COL4A4: variants seen among roughly 807,000 people sequenced by gnomAD.
COL4A4 encodes the protein collagen type IV alpha 4 chain.
Under a neutral mutation model 192.9 loss-of-function variants are expected in COL4A4, and 105 were observed. The observed-to-expected ratio is 0.54, with a 90% CI of 0.46 to 0.64. COL4A4 has a LOEUF of 0.64. COL4A4 is among the 30% of genes least tolerant of loss of function. COL4A4 has a pLI of 0.00. For missense variants in COL4A4, 1,967 were observed against 2,169.3 expected (o/e 0.91, Z 1.85); for synonymous variants, 762 against 769.9 (o/e 0.99, Z 0.17).
chr2:227,049,696 A>G (rs1260800882), intron 34 of COL4A4, among the ~76,000 whole-genome samples: 2 of 152,242 alleles, frequency 1.3e-5, no homozygotes, highest in Admixed American at 6.5e-5. Context: ...CTTAGAAAAG[A>G]TACTGGCTCC....
chr2:227,122,039 T>C (rs78100139), intron 4 of COL4A4, among the ~76,000 whole-genome samples: 1,700 of 152,364 alleles, frequency 0.011, 25 homozygotes, highest in African/African-American at 0.038. Flanking sequence ...ATTTTGGAAT[T>C]AGTCTCCATG....
intron 10 of COL4A4, 66 bp downstream of exon 10, chr2:227,109,158 G>T: frequency 6.8e-7 from 1 of 1,476,778 alleles, no homozygotes; most frequent in Non-Finnish European, 9.5e-7. Context: ...AAATGGCAAT[G>T]TTGCTTCTTT....
At chr2:227,092,458 T>C (rs1288228733) in intron 20 of COL4A4, among the ~76,000 whole-genome samples, 1 of 152,180 alleles carries the variant, frequency 6.6e-6, no homozygotes, top group East Asian at 1.9e-4. Context: ...GACAGTATTC[T>C]GGCAACAAAT....
chr2:227,010,340 G>C lies in COL4A4; in HGVS notation c.4495C>G (p.Gln1499Glu), dbSNP rs778637720. The C allele has an allele frequency of 1.9e-6, 3 of 1,614,212 alleles. No homozygotes were observed. The highest frequency in any genetic ancestry group is 2.2e-5 in the South Asian group (2 of 91,090). ...TGYSLLYLEG[Q>E]EKAHNQDLGL... Reference sequence around the variant, plus strand: ...AGGTCTTGATTGTGAGCTTTCTCTTGCCCTTCCAGGTATAACAGACTATAC... The same window carrying C: ...AGGTCTTGATTGTGAGCTTTCTCTTCCCCTTCCAGGTATAACAGACTATAC... The change falls in exon 46 of 48, where the codon CAA becomes GAA. Residue 1499 changes from glutamine (Q) to glutamate (E), a missense_variant. By Grantham distance (29) the Gln-to-Glu change is conservative (BLOSUM62 2). Coordinates refer to ENST00000396625, the MANE Select transcript of COL4A4 (RefSeq NM_000092.5).
chr2:227,035,605 G>A (rs1426246710), intron 37 of COL4A4, among the ~76,000 whole-genome samples: 1 of 151,330 alleles, frequency 6.6e-6, no homozygotes, highest in Non-Finnish European at 1.5e-5. Context: ...TACAGTTCTG[G>A]CTTAGTTTAT....
chr2:227,130,642 G>T (rs966187605), intron 4 of COL4A4, among the ~76,000 whole-genome samples: 3 of 140,042 alleles, frequency 2.1e-5, no homozygotes, highest in Non-Finnish European at 4.9e-5. Flanking sequence ...TTTCCAAGTG[G>T]TCAATTTCAC....
chr2:226,977,243 C>G, the COL4A4 span, among the ~76,000 whole-genome samples: 1 of 152,174 alleles, frequency 6.6e-6, no homozygotes, highest in South Asian at 2.1e-4. Context: ...CAAGCTCCCC[C>G]TCCCTTTAGT....
intron 4 of COL4A4, among the ~76,000 whole-genome samples, chr2:227,133,686 G>A (rs2062626608): frequency 6.6e-6 from 1 of 152,058 alleles, no homozygotes; most frequent in Non-Finnish European, 1.5e-5. Context: ...GAGGTCAGGA[G>A]TTTGAGACCA....
intron 3 of COL4A4, among the ~76,000 whole-genome samples, chr2:227,143,401 TA>T (rs2063348174): frequency 6.6e-6 from 1 of 152,218 alleles, no homozygotes; most frequent in Non-Finnish European, 1.5e-5. Context: ...TCCGGATGGG[TA>T]ATACCAAATC....
chr2:227,133,408 G>A (rs72971822), intron 4 of COL4A4, among the ~76,000 whole-genome samples: 2,363 of 152,270 alleles, frequency 0.016, 34 homozygotes, highest in Middle Eastern at 0.031. Context: ...TCTCATGCAC[G>A]GATGCTGGAT....
intron 12 of COL4A4, among the ~76,000 whole-genome samples, chr2:227,106,563 TTTTA>T (rs977050498): frequency 1.1e-4 from 14 of 125,272 alleles, no homozygotes; most frequent in African/African-American, 5.4e-4. Flanking sequence ...TTTTATCTTA[TTTTA>T]TTTATTTATA....
At chr2:226,994,686 T>A in the COL4A4 span, among the ~76,000 whole-genome samples, 1 of 152,224 alleles carries the variant, frequency 6.6e-6, no homozygotes, top group Non-Finnish European at 1.5e-5. Flanking sequence ...AGGTTGCTGG[T>A]TCCTTGAGAT....
At chr2:227,153,935 G>T (rs1213402075) in intron 1 of COL4A4, among the ~76,000 whole-genome samples, 2 of 152,108 alleles carry the variant, frequency 1.3e-5, no homozygotes, top group Non-Finnish European at 2.9e-5. Flanking sequence ...GACCTCTGCA[G>T]CCCAGTTGGA....
At chr2:227,134,914 TG>T (rs1194672740) in intron 4 of COL4A4, among the ~76,000 whole-genome samples, 1 of 152,242 alleles carries the variant, frequency 6.6e-6, no homozygotes, top group Non-Finnish European at 1.5e-5. Context: ...GGGAAAAAAC[TG>T]TGGACAGTGT....
chr2:227,060,118 A>AAAAAAAAAAAAAAC lies in COL4A4; in HGVS notation c.2164+17_2164+18insGTTTTTTTTTTTTT. The stretch of plus-strand genomic sequence containing the variant: ...CCAAAGCAGAAAAAAAAAAAAAAAA[A>AAAAAAAAAAAAAAC]AAAAAAACCTCACTGACCAGGTGGA... On this transcript the variant is annotated intron_variant, in intron 27 of 47. Transcript: ENST00000396625. 7.3e-7 allele frequency: 1 copy of AAAAAAAAAAAAAAC among 1,372,248 alleles called. No homozygotes were observed. Among genetic ancestry groups the AAAAAAAAAAAAAAC allele is most frequent in the African/African-American group, 1.5e-5 (1 of 67,886 alleles). 85.0% of individuals were successfully genotyped at this position (1,372,248 alleles called of 1,614,324 possible). A position where few individuals can be genotyped will look rare whatever the true frequency, so the allele number is the denominator to read the frequency against.
chr2:227,126,004 C>T (rs975995474), intron 4 of COL4A4, among the ~76,000 whole-genome samples: 1 of 152,190 alleles, frequency 6.6e-6, no homozygotes, highest in South Asian at 2.1e-4. Flanking sequence ...CAAGGCAAGA[C>T]AGGCGGCCCT....
At position 227,078,060 on chromosome 2, in the gene COL4A4, C is replaced by A; in HGVS notation, c.1821G>T (p.Ala607=). The A allele has an allele frequency of 6.2e-7, 1 of 1,613,878 alleles. No homozygotes were observed. Among genetic ancestry groups the A allele is most frequent in the Non-Finnish European group, 8.5e-7 (1 of 1,179,968 alleles). ...DPGPPGDHED[A]TPGGKGFPGP... The stretch of plus-strand genomic sequence containing the variant: ...CAGGAAATCCTTTACCACCTGGGGT[C>A]GCATCTTCATGATCCCCCTGGGAAT... Residue 607 remains alanine, a synonymous_variant, in exon 25 of 48, where the codon GCG becomes GCT. Coordinates refer to ENST00000396625, the MANE Select transcript of COL4A4 (RefSeq NM_000092.5).
chr2:227,118,903 A>G, intron 6 of COL4A4, 142 bp from the exon 7 acceptor site: 1 of 681,590 alleles, frequency 1.5e-6, no homozygotes. Context: ...TTTACCCCAA[A>G]AGGCTACGTA....
the COL4A4 span, among the ~76,000 whole-genome samples, chr2:226,991,135 CA>C: frequency 2.6e-5 from 4 of 152,184 alleles, no homozygotes; most frequent in African/African-American, 9.6e-5. Flanking sequence ...AAAGGGTTTG[CA>C]AACAGAATTG....
Sources: allele counts gnomAD v4.1 joint callset (sites outside exome capture counted in the v4.1 genomes callset), GRCh38; gene constraint gnomAD v4.1.1; transcripts MANE v1.5; gene names NCBI Gene and HGNC (gene_info 2026-07-23, HGNC 2026-07-21).